ARL15: variants seen among roughly 807,000 people sequenced by gnomAD.
The protein encoded by ARL15 is ARF like GTPase 15.
Under a neutral mutation model 25.2 loss-of-function variants are expected in ARL15, and 19 were observed. The ratio of observed to expected loss-of-function variants is 0.75; its 90% CI spans 0.53 to 1.10. The LOEUF is 1.10. ARL15 is among the 50% of genes least tolerant of loss of function. The pLI is 0.00. For missense variants in ARL15, 220 were observed against 246.0 expected, an observed-to-expected ratio of 0.89 and a Z score of 0.71; for synonymous variants, 94 against 86.8, an observed-to-expected ratio of 1.08 and a Z score of -0.46.
At chr5:54,067,934 C>T (rs3776692) in intron 4 of ARL15, among the ~76,000 whole-genome samples, 41,589 of 152,122 alleles carry the variant, frequency 0.27, 7,361 homozygotes, top group African/African-American at 0.51. Flanking sequence ...ATGTCACACA[C>T]ACCACCTTTA....
chr5:54,304,608 G>A (rs1279871334), intron 1 of ARL15, among the ~76,000 whole-genome samples: 1 of 152,078 alleles, frequency 6.6e-6, no homozygotes, highest in African/African-American at 2.4e-5. Flanking sequence ...CCTACCTAAT[G>A]GTACGGATTT....
rs148238782 is a variant in ARL15 at position 54,115,851 on chromosome 5, G to A, written c.254-2441C>T. Among the ~76,000 whole-genome samples, 248 of 152,244 alleles carry A rather than the reference G, an allele frequency of 1.6e-3. 2 individuals carry two copies. The highest frequency in any genetic ancestry group is 8.0e-3 in the Admixed American group (123 of 15,282). On this transcript the variant is annotated intron_variant, in intron 3 of 4. Transcript: ENST00000504924. ...GGGAATTCATTACTTAGGTGGTGGT[G>A]GAACTAAGGAAACAGCAGGGGTACT...
Position 53,955,985 on chromosome 5 carries a change from AGTT to A in ARL15, c.463-69275_463-69273del, listed in dbSNP as rs201793840. Among the ~76,000 whole-genome samples the A allele has an allele frequency of 4.6e-5, 7 of 152,128 alleles. 1 individual carries two copies. In the South Asian group the frequency reaches 1.0e-3, roughly 23 times the overall value. ...AATATGGAAAAGAAAAGCTGGAGAGAGTTGTTGTTGTTGTTGTCGTTGTTTTGA... is the reference window on the plus strand; with the variant it reads ...AATATGGAAAAGAAAAGCTGGAGAGAGTTGTTGTTGTTGTCGTTGTTTTGA... On this transcript the variant is annotated intron_variant, in intron 4 of 4. Transcript: ENST00000504924.
chr5:54,165,102 T>C (rs934200588), intron 2 of ARL15, among the ~76,000 whole-genome samples: 10 of 152,056 alleles, frequency 6.6e-5, no homozygotes, highest in Admixed American at 6.6e-4. Flanking sequence ...TTATACGACT[T>C]CACATATAGT....
intron 1 of ARL15, among the ~76,000 whole-genome samples, chr5:54,174,409 T>C (rs940119686): frequency 6.6e-6 from 1 of 152,136 alleles, no homozygotes; most frequent in Non-Finnish European, 1.5e-5. Flanking sequence ...TCTTGGTAAA[T>C]TAGAGCTTCT....
intron 1 of ARL15, among the ~76,000 whole-genome samples, chr5:54,307,448 T>C (rs1003637883): frequency 9.2e-5 from 14 of 152,166 alleles, no homozygotes; most frequent in African/African-American, 3.4e-4. Flanking sequence ...AGGTGATACA[T>C]CTAATTGATT....
chr5:54,054,441 A>G (rs1561204649), intron 4 of ARL15, among the ~76,000 whole-genome samples: 2 of 152,234 alleles, frequency 1.3e-5, no homozygotes, highest in Non-Finnish European at 2.9e-5. Flanking sequence ...ACAATGAAAT[A>G]TTACACAAAA....
chr5:54,202,443 C>T (rs536753350), intron 1 of ARL15, among the ~76,000 whole-genome samples: 1 of 152,236 alleles, frequency 6.6e-6, no homozygotes, highest in South Asian at 2.1e-4. Flanking sequence ...ACTGACTAAT[C>T]ACTGCTGGCT....
rs561026542 is a variant in ARL15 at position 53,917,589 on chromosome 5, G to T, written c.463-30876C>A. 1.1e-4 allele frequency among the ~76,000 whole-genome samples: 17 copies of T among 152,258 alleles called. No homozygotes were observed. In the East Asian group the frequency reaches 3.3e-3, roughly 29 times the overall value. ...CCCCACCTCCTGCTCCCATTCTGGG[G>T]ACTACACATCAGAAAATAGATCTCT... On this transcript the variant is annotated intron_variant, in intron 4 of 4. Coordinates refer to ENST00000504924, the MANE Select transcript of ARL15 (RefSeq NM_019087.3).
At chr5:54,286,965 C>T (rs1758197178) in intron 1 of ARL15, among the ~76,000 whole-genome samples, 1 of 151,498 alleles carries the variant, frequency 6.6e-6, no homozygotes, top group Non-Finnish European at 1.5e-5. Context: ...ACCTCCTGTC[C>T]AGGATTGCCT....
At chr5:54,185,461 T>A (rs1400159692) in intron 1 of ARL15, among the ~76,000 whole-genome samples, 1 of 152,222 alleles carries the variant, frequency 6.6e-6, no homozygotes, top group African/African-American at 2.4e-5. Context: ...TTGCCATCCA[T>A]CTTCCCCCAC....
At chr5:54,298,610 T>C (rs187473765) in intron 1 of ARL15, among the ~76,000 whole-genome samples, 14 of 152,088 alleles carry the variant, frequency 9.2e-5, no homozygotes, top group Admixed American at 7.9e-4. Context: ...CATAAAACAT[T>C]CATTGGAGCA....
At chr5:53,965,107 G>A (rs1747505568) in intron 4 of ARL15, among the ~76,000 whole-genome samples, 1 of 152,184 alleles carries the variant, frequency 6.6e-6, no homozygotes, top group South Asian at 2.1e-4. Flanking sequence ...CTCTAATCTT[G>A]ACTCTAGAGA....
intron 4 of ARL15, among the ~76,000 whole-genome samples, chr5:53,890,015 G>A (rs1470642475): frequency 1.3e-5 from 2 of 152,048 alleles, no homozygotes; most frequent in African/African-American, 4.8e-5. Flanking sequence ...ATTTCACCAC[G>A]TTGGCCAGGC....
At chr5:54,167,450 A>G (rs1376120440) in intron 2 of ARL15, among the ~76,000 whole-genome samples, 7 of 152,130 alleles carry the variant, frequency 4.6e-5, no homozygotes, top group Non-Finnish European at 7.4e-5. Context: ...AGCACATCTC[A>G]TTTGTTTCTC....
intron 1 of ARL15, among the ~76,000 whole-genome samples, chr5:54,242,120 G>A (rs1177542005): frequency 6.6e-6 from 1 of 151,972 alleles, no homozygotes; most frequent in Non-Finnish European, 1.5e-5. Flanking sequence ...GGACCTATGT[G>A]CCCCTCTTCT....
In ARL15 at chr5:54,218,637, T is replaced by C. The variant is rs572626136; in HGVS notation, c.49-46709A>G. Among the ~76,000 whole-genome samples, 9 of 152,202 alleles carry C rather than the reference T, an allele frequency of 5.9e-5. No individual in the cohort carries two copies. In the South Asian group the frequency reaches 1.9e-3, roughly 32 times the overall value. On this transcript the variant is annotated intron_variant, in intron 1 of 4. Transcript: ENST00000504924. Reference sequence around the variant, plus strand: ...CCTTAGGGTTTAGTTGGTGGGGAAGTCGTGGGGCACACTGACATCCCAGAT... The same window carrying C: ...CCTTAGGGTTTAGTTGGTGGGGAAGCCGTGGGGCACACTGACATCCCAGAT...
intron 3 of ARL15, among the ~76,000 whole-genome samples, chr5:54,147,245 G>T (rs546219098): frequency 3.3e-5 from 5 of 152,030 alleles, no homozygotes; most frequent in Non-Finnish European, 7.4e-5. Flanking sequence ...ATATCAAGAA[G>T]TTGCGGTCAT....
Position 54,107,163 on chromosome 5 carries a change from T to C in ARL15, c.462+6039A>G, listed in dbSNP as rs545848688. Among the ~76,000 whole-genome samples, 41 of 152,070 alleles carry C rather than the reference T, an allele frequency of 2.7e-4. No homozygotes were observed. In the South Asian group the frequency reaches 6.9e-3, roughly 26 times the overall value. Reference sequence around the variant, plus strand: ...AAAGCGGAACCCCGTGATAAATCCATCAGATCTTGTGAGACTTACTACCAC... The same window carrying C: ...AAAGCGGAACCCCGTGATAAATCCACCAGATCTTGTGAGACTTACTACCAC... On this transcript the variant is annotated intron_variant, in intron 4 of 4. Transcript: ENST00000504924.
Sources: allele counts gnomAD v4.1 joint callset (sites outside exome capture counted in the v4.1 genomes callset), GRCh38; gene constraint gnomAD v4.1.1; transcripts MANE v1.5; gene names NCBI Gene and HGNC (gene_info 2026-07-23, HGNC 2026-07-21).